The following EED variants were observed in gnomAD, a reference collection of about 807,000 sequenced individuals.
The protein encoded by EED is polycomb protein EED.
Under a neutral mutation model 61.0 loss-of-function variants are expected in EED, and 9 were observed. The observed-to-expected ratio is 0.15, with a 90% CI of 0.09 to 0.26. EED has a LOEUF of 0.26. Among genes scored for constraint, EED ranks in the 10% least tolerant of loss-of-function variants. The pLI is 1.00. For missense variants in EED, 315 were observed against 542.3 expected (o/e 0.58, Z 4.16); for synonymous variants, 187 against 174.4 (o/e 1.07, Z -0.57).
the EED span, among the ~76,000 whole-genome samples, chr11:86,286,468 G>A: frequency 6.6e-6 from 1 of 152,182 alleles, no homozygotes; most frequent in South Asian, 2.1e-4. Context: ...TAGAAACTCA[G>A]TGACTTTAAA....
At chr11:86,275,405 A>G (rs181561339) in intron 9 of EED, among the ~76,000 whole-genome samples, 8 of 152,342 alleles carry the variant, frequency 5.3e-5, no homozygotes, top group African/African-American at 1.9e-4. Context: ...CTGGCTCTGC[A>G]TCGGACTCAC....
Position 86,278,131 on chromosome 11 carries a change from C to G in EED, c.1199+140C>G, listed in dbSNP as rs951572779. 34 of 1,351,634 alleles carry G rather than the reference C, an allele frequency of 2.5e-5. 1 individual carries two copies. In the African/African-American group the frequency reaches 4.7e-4, roughly 19 times the overall value. The allele number at this position is 1,351,634 out of a possible 1,614,324, so 83.7% of individuals were successfully genotyped here. A position where few individuals can be genotyped will look rare whatever the true frequency, so the allele number is the denominator to read the frequency against. ...TACTGTTTTCAGAGTTAAAGTTATT[C>G]TTTTTTATTCCAATAATTTTTGTTT... is the stretch of plus-strand genomic sequence containing the variant. On this transcript the variant is annotated intron_variant, in intron 11 of 11. Coordinates refer to ENST00000263360, the MANE Select transcript of EED (RefSeq NM_003797.5).
chr11:86,266,546 G>C (rs55704242), intron 8 of EED, among the ~76,000 whole-genome samples: 3 of 152,072 alleles, frequency 2.0e-5, no homozygotes, highest in Non-Finnish European at 2.9e-5. Context: ...TTATGGACTA[G>C]GGAGAGTAAA....
rs1314065238 is a variant in EED, at chr11:86,278,386, G to GT, written c.1200-7dup. 2.7e-5 allele frequency: 43 copies of GT among 1,610,690 alleles called. No homozygotes were observed. Among genetic ancestry groups the GT allele is most frequent in the Non-Finnish European group, 3.4e-5 (40 of 1,177,972 alleles). On this transcript the variant is annotated splice_polypyrimidine_tract_variant and intron_variant, in intron 11 of 11. Coordinates refer to ENST00000263360, the MANE Select transcript of EED (RefSeq NM_003797.5). ...TGTGTGGTCTTTAACCTGTTGTCAT[G>GT]TTTTTTCCCTAGATGTACAACACTG... is the stretch of plus-strand genomic sequence containing the variant.
chr11:86,274,711 T>G (rs369284444), intron 9 of EED, among the ~76,000 whole-genome samples: 1 of 152,188 alleles, frequency 6.6e-6, no homozygotes, highest in African/African-American at 2.4e-5. Context: ...TGGTCTCCAT[T>G]TACACTCTGG....
chr11:86,261,094 T>C (rs1156288292), intron 6 of EED, among the ~76,000 whole-genome samples: 2 of 152,102 alleles, frequency 1.3e-5, no homozygotes, highest in Non-Finnish European at 2.9e-5. Flanking sequence ...CCCCCAAAAT[T>C]CAAATCCTCA....
chr11:86,269,350 CTG>C (rs1291510697), intron 9 of EED, among the ~76,000 whole-genome samples: 1 of 151,654 alleles, frequency 6.6e-6, no homozygotes, highest in Non-Finnish European at 1.5e-5. Flanking sequence ...GTTTGTGTGT[CTG>C]TGTATTTTTT....
chr11:86,258,271 T>A (rs1469040391), intron 6 of EED, among the ~76,000 whole-genome samples: 1 of 152,214 alleles, frequency 6.6e-6, no homozygotes, highest in Non-Finnish European at 1.5e-5. Flanking sequence ...ATATGAAAAT[T>A]CATATTGCTT....
chr11:86,257,369 T>A, intron 5 of EED, 146 bp from the exon 6 acceptor site: 30 of 233,808 alleles, frequency 1.3e-4, no homozygotes, highest in Non-Finnish European at 1.9e-4. Context: ...CCTTTTCACC[T>A]CAAGTTTGTT....
intron 3 of EED, 88 bp downstream of exon 3, chr11:86,252,328 A>G: frequency 2.1e-6 from 2 of 955,546 alleles, no homozygotes; most frequent in Non-Finnish European, 1.6e-6. Flanking sequence ...TTCAAAGTGC[A>G]TTTTGTGAAG....
intron 1 of EED, among the ~76,000 whole-genome samples, chr11:86,246,274 A>G (rs12293658): frequency 0.27 from 41,105 of 152,242 alleles, 6,107 homozygotes; most frequent in Non-Finnish European, 0.35. Context: ...TATCTTGACA[A>G]TTTATTCAAA....
At chr11:86,254,692 G>T (rs1010113233) in intron 3 of EED, among the ~76,000 whole-genome samples, 1 of 151,576 alleles carries the variant, frequency 6.6e-6, no homozygotes, top group Non-Finnish European at 1.5e-5. Context: ...GTGCAATCTC[G>T]GCTCACTGCA....
chr11:86,259,464 G>A (rs933459979), intron 6 of EED, among the ~76,000 whole-genome samples: 3 of 151,902 alleles, frequency 2.0e-5, no homozygotes, highest in South Asian at 2.1e-4. Context: ...GGCACGTGCC[G>A]CCATACCTGG....
chr11:86,285,140 C>G, the EED span, among the ~76,000 whole-genome samples: 1 of 151,944 alleles, frequency 6.6e-6, no homozygotes. Flanking sequence ...ACAGAAAAGG[C>G]TGGGCACGGT....
intron 9 of EED, among the ~76,000 whole-genome samples, chr11:86,271,794 T>G (rs1342180861): frequency 1.3e-5 from 2 of 151,912 alleles, no homozygotes; most frequent in African/African-American, 2.4e-5. Context: ...ATTGATTGGT[T>G]TTTTGAATAT....
At position 86,258,273 on chromosome 11, in the gene EED, A is replaced by G. The variant is rs532802281; in HGVS notation, c.634+677A>G. The stretch of plus-strand genomic sequence containing the variant: ...TAATAAATACTACATATGAAAATTC[A>G]TATTGCTTTTTTATTTTTTAAAAAA... On this transcript the variant is annotated intron_variant, in intron 6 of 11. Transcript: ENST00000263360. Among the ~76,000 whole-genome samples, 4 of 152,328 alleles carry G rather than the reference A, an allele frequency of 2.6e-5. No homozygotes were observed. The South Asian group carries it at 8.3e-4, about 32-fold the overall frequency.
intron 1 of EED, among the ~76,000 whole-genome samples, chr11:86,247,531 G>A (rs563314394): frequency 6.6e-6 from 1 of 152,094 alleles, no homozygotes; most frequent in Non-Finnish European, 1.5e-5. Context: ...TCCATTGGTG[G>A]CAGAGTCACA....
the EED span, among the ~76,000 whole-genome samples, chr11:86,286,857 A>G: frequency 2.6e-5 from 4 of 151,460 alleles, no homozygotes; most frequent in South Asian, 8.4e-4. Context: ...CTGTAGTCCC[A>G]GCTACTCGGG....
chr11:86,261,200 A>G lies in EED; in HGVS notation c.635-2972A>G, dbSNP rs77173488. ...CAGGCATCTTATCTATTTTCAAAAT[A>G]CAGTGGTAGGATAAGCATAGGATAG... On this transcript the variant is annotated intron_variant, in intron 6 of 11. Coordinates refer to ENST00000263360, the MANE Select transcript of EED (RefSeq NM_003797.5). Among the ~76,000 whole-genome samples the G allele has an allele frequency of 3.7e-4, 57 of 152,358 alleles. 3 individuals are homozygous for G. In the East Asian group the frequency reaches 0.011, roughly 29 times the overall value.
Sources: gnomAD v4.1 joint callset for allele counts (sites outside exome capture counted in the v4.1 genomes callset) on GRCh38, gnomAD v4.1.1 for gene constraint, MANE v1.5 for transcripts, NCBI Gene and HGNC (gene_info 2026-07-23, HGNC 2026-07-21) for gene names.